The following DCTD variants were observed in gnomAD, a reference collection of about 807,000 sequenced individuals.
DCTD encodes the protein deoxycytidylate deaminase.
Under a neutral mutation model 21.0 loss-of-function variants are expected in DCTD, and 23 were observed. That is an observed-to-expected ratio of 1.09 (90% CI 0.79 to 1.55). The LOEUF is 1.55. DCTD is among the 40% of genes most tolerant of loss of function. The probability of loss-of-function intolerance (pLI) is 0.00; values close to 1 mark genes in which losing one functional copy is unlikely to be tolerated. For missense variants in DCTD, 224 were observed against 230.0 expected (o/e 0.97, Z 0.17); for synonymous variants, 71 against 81.1 (o/e 0.88, Z 0.67).
At chr4:182,914,902 G>A (rs769147808) in intron 3 of DCTD, 21 bp downstream of exon 3, 1 of 1,614,058 alleles carries the variant, frequency 6.2e-7, no homozygotes, top group Non-Finnish European at 8.5e-7. Flanking sequence ...TAAGCAGAAT[G>A]GGACATAAAA....
At position 182,916,410 on chromosome 4, in the gene DCTD, G is replaced by T. The variant is rs68178163; in HGVS notation, c.-7-835C>A. On this transcript the variant is annotated intron_variant, in intron 1 of 5. Transcript: ENST00000438320. Reference sequence around the variant, plus strand: ...AGGAAGGAAGACAACACAAAAACGGGGTGGGTACCACGGAGAAATCTTGAG... The same window carrying T: ...AGGAAGGAAGACAACACAAAAACGGTGTGGGTACCACGGAGAAATCTTGAG... 2.5e-3 allele frequency: 2,431 copies of T among 985,538 alleles called. 39 individuals carry two copies. The African/African-American group carries it at 0.04, about 16-fold the overall frequency. 61.0% of individuals were successfully genotyped at this position (985,538 alleles called of 1,614,324 possible). A position where few individuals can be genotyped will look rare whatever the true frequency, so the allele number is the denominator to read the frequency against.
At chr4:182,892,951 AAGG>A (rs34615053) in intron 5 of DCTD, 77 bp downstream of exon 5, 49,346 of 834,310 alleles carry the variant, frequency 0.059, 1,877 homozygotes, top group East Asian at 0.11. Flanking sequence ...CAGGCATCAC[AAGG>A]AGGAGACAAG....
At chr4:182,910,167 C>A (rs1202581830) in intron 3 of DCTD, among the ~76,000 whole-genome samples, 1 of 152,108 alleles carries the variant, frequency 6.6e-6, no homozygotes, top group Non-Finnish European at 1.5e-5. Context: ...GCTCCCTGGT[C>A]CATTGGGTGG....
intron 3 of DCTD, among the ~76,000 whole-genome samples, chr4:182,899,880 C>T (rs148572315): frequency 6.6e-6 from 1 of 152,264 alleles, no homozygotes; most frequent in African/African-American, 2.4e-5. Context: ...ATCCAAAATG[C>T]TTAGGAGCAG....
chr4:182,915,588 C>A lies in DCTD; in HGVS notation c.-7-13G>T, dbSNP rs776863043. On this transcript the variant is annotated splice_polypyrimidine_tract_variant and intron_variant, in intron 1 of 5. Coordinates refer to ENST00000438320, the MANE Select transcript of DCTD (RefSeq NM_001921.3). ...ACTCATGTTGGGTCTAGAAGAAAAA[C>A]ATGACAAAACAGAAGTTGAGAGAAG... 1 of 1,522,380 alleles carries A rather than the reference C, an allele frequency of 6.6e-7. No individual in the cohort carries two copies. 94.3% of individuals were successfully genotyped at this position (1,522,380 alleles called of 1,614,324 possible).
chr4:182,891,655 G>T (rs578162153), intron 5 of DCTD, among the ~76,000 whole-genome samples, 178 bp from the exon 6 acceptor site: 1 of 152,230 alleles, frequency 6.6e-6, no homozygotes, highest in South Asian at 2.1e-4. Flanking sequence ...GAGCAGAAAA[G>T]ACTAAGACAA....
intron 3 of DCTD, among the ~76,000 whole-genome samples, chr4:182,903,034 G>A (rs890450415): frequency 5.9e-5 from 9 of 152,172 alleles, no homozygotes; most frequent in South Asian, 2.1e-4. Context: ...GTAATACCCT[G>A]TTCAAGTTCC....
chr4:182,894,371 G>C (rs1488513977), intron 4 of DCTD, 118 bp downstream of exon 4: 2 of 645,070 alleles, frequency 3.1e-6, no homozygotes, highest in African/African-American at 3.7e-5. Flanking sequence ...TTGCAAAGCT[G>C]ATAGTGCAAT....
intron 3 of DCTD, among the ~76,000 whole-genome samples, chr4:182,896,333 G>A (rs1033436816): frequency 6.6e-6 from 1 of 152,204 alleles, no homozygotes; most frequent in African/African-American, 2.4e-5. Context: ...GCAGGCATAA[G>A]GCTGACCAAA....
intron 5 of DCTD, among the ~76,000 whole-genome samples, chr4:182,892,296 A>G (rs930086466): frequency 9.9e-5 from 15 of 152,210 alleles, no homozygotes; most frequent in South Asian, 6.2e-4. Flanking sequence ...CTTACTTGCA[A>G]GTAAAATATA....
At chr4:182,913,964 T>C (rs994205153) in intron 3 of DCTD, among the ~76,000 whole-genome samples, 1 of 151,016 alleles carries the variant, frequency 6.6e-6, no homozygotes, top group Admixed American at 6.6e-5. Context: ...TCTACACTTC[T>C]AGCTTTTTCT....
chr4:182,895,432 T>TTC (rs1415595541), intron 3 of DCTD, among the ~76,000 whole-genome samples: 4 of 152,324 alleles, frequency 2.6e-5, no homozygotes, highest in Admixed American at 6.5e-5. Context: ...GTTGAGCTCT[T>TTC]GATAGACCAG....
chr4:182,910,405 A>G (rs1737470748), intron 3 of DCTD, among the ~76,000 whole-genome samples: 1 of 152,224 alleles, frequency 6.6e-6, no homozygotes, highest in Admixed American at 6.5e-5. Flanking sequence ...TGAATCACCA[A>G]GAGTATTTTA....
chr4:182,915,234 G>A (rs987436109), intron 2 of DCTD, among the ~76,000 whole-genome samples, 176 bp from the exon 3 acceptor site: 2 of 152,240 alleles, frequency 1.3e-5, no homozygotes, highest in African/African-American at 4.8e-5. Flanking sequence ...ACAAGCCAAG[G>A]AAAGTGCACC....
intron 3 of DCTD, among the ~76,000 whole-genome samples, chr4:182,908,980 A>G (rs2152862160): frequency 1.3e-5 from 2 of 152,336 alleles, no homozygotes; most frequent in African/African-American, 4.8e-5. Context: ...GTCACTTTTT[A>G]TAGAAAGGAG....
rs566214915 is a variant in DCTD at position 182,900,263 on chromosome 4, CTG to C, written c.245-5660_245-5659del. On this transcript the variant is annotated intron_variant, in intron 3 of 5. Transcript: ENST00000438320. ...CCCAGGAGGTCAAGGCTGCAGTGAG[CTG>C]TGTTTGCACCACTGTACTCCAGTCT... is the stretch of plus-strand genomic sequence containing the variant. Among the ~76,000 whole-genome samples the C allele has an allele frequency of 4.6e-5, 7 of 152,086 alleles. No homozygotes were observed. In the South Asian group the frequency reaches 1.5e-3, roughly 32 times the overall value.
chr4:182,916,512 C>T, intron 1 of DCTD: 4 of 985,732 alleles, frequency 4.1e-6, no homozygotes, highest in Non-Finnish European at 4.8e-6. Context: ...TTTATTTAGG[C>T]ATCTGCTACA....
At chr4:182,903,502 T>C (rs1430215008) in intron 3 of DCTD, among the ~76,000 whole-genome samples, 1 of 152,178 alleles carries the variant, frequency 6.6e-6, no homozygotes, top group African/African-American at 2.4e-5. Context: ...ACCCGCCGCA[T>C]GCGTGGAAAA....
chr4:182,911,445 C>G (rs979819127), intron 3 of DCTD: 1 of 152,204 alleles, frequency 6.6e-6, no homozygotes, highest in African/African-American at 2.4e-5. Flanking sequence ...CAGGCCACCC[C>G]TCCCCGAGCT....
Sources: allele counts gnomAD v4.1 joint callset (sites outside exome capture counted in the v4.1 genomes callset), GRCh38; gene constraint gnomAD v4.1.1; transcripts MANE v1.5; gene names NCBI Gene and HGNC (gene_info 2026-07-23, HGNC 2026-07-21).